The following CEP128 variants were observed in gnomAD, a reference collection of about 807,000 sequenced individuals.
The protein encoded by CEP128 is centrosomal protein 128kDa.
CEP128 carries 132 observed loss-of-function variants against 156.7 expected under a neutral mutation model. The observed-to-expected ratio is 0.84, with a 90% confidence interval of 0.73 to 0.97. CEP128 has a LOEUF of 0.97. Ranked by LOEUF, CEP128 falls within the 50% of genes least tolerant of loss-of-function variation. The pLI, the probability that CEP128 is intolerant of heterozygous loss-of-function variation, is 0.00. For synonymous variants in CEP128, 469 were observed against 448.9 expected (o/e 1.04, Z -0.57); for missense variants, 1,252 against 1,281.9 (o/e 0.98, Z 0.36).
chr14:80,870,721 A>G (rs546766239), intron 8 of CEP128, among the ~76,000 whole-genome samples: 1 of 152,142 alleles, frequency 6.6e-6, no homozygotes, highest in East Asian at 1.9e-4. Flanking sequence ...CTTCCATTCA[A>G]CGTAGTACTG....
At chr14:80,657,785 A>G (rs1566838902) in intron 19 of CEP128, among the ~76,000 whole-genome samples, 1 of 152,174 alleles carries the variant, frequency 6.6e-6, no homozygotes, top group Non-Finnish European at 1.5e-5. Flanking sequence ...GGAAGAGAGG[A>G]GAAAATTTTT....
chr14:80,506,335 C>CTTT (rs398057291), intron 23 of CEP128, among the ~76,000 whole-genome samples: 17 of 126,860 alleles, frequency 1.3e-4, no homozygotes, highest in African/African-American at 4.1e-4. Flanking sequence ...ATTTGAAACT[C>CTTT]TTTTTTTTTT....
At chr14:80,584,024 T>G (rs2140457649) in intron 19 of CEP128, among the ~76,000 whole-genome samples, 1 of 152,296 alleles carries the variant, frequency 6.6e-6, no homozygotes, top group South Asian at 2.1e-4. Flanking sequence ...ATGCTCTCAT[T>G]TGTACCTCTC....
chr14:80,954,948 C>T (rs1273588020), intron 2 of CEP128: 3 of 153,354 alleles, frequency 2.0e-5, no homozygotes, highest in Non-Finnish European at 1.5e-5. Context: ...TCCTGAATTG[C>T]CTCGCGGAGC....
chr14:80,754,284 G>C (rs1449022747), intron 18 of CEP128, among the ~76,000 whole-genome samples: 1 of 151,918 alleles, frequency 6.6e-6, no homozygotes, highest in African/African-American at 2.4e-5. Flanking sequence ...GCCTTTCCTA[G>C]AACTTTGTTC....
chr14:80,901,627 T>C (rs576509613), intron 6 of CEP128, among the ~76,000 whole-genome samples: 16 of 152,354 alleles, frequency 1.1e-4, no homozygotes, highest in African/African-American at 3.8e-4. Context: ...TTTGCCATCA[T>C]GATTTTCCAA....
At chr14:80,659,247 T>C (rs997502417) in intron 19 of CEP128, among the ~76,000 whole-genome samples, 1 of 152,138 alleles carries the variant, frequency 6.6e-6, no homozygotes, top group Non-Finnish European at 1.5e-5. Context: ...GATTTGGTAA[T>C]AATTTTTTCC....
downstream of CEP128, among the ~76,000 whole-genome samples, chr14:80,487,946 C>G (rs566803089): frequency 6.6e-6 from 1 of 151,460 alleles, no homozygotes; most frequent in South Asian, 2.1e-4. Context: ...AATTGACACC[C>G]TAATGTCACA....
rs537511835 is a variant in CEP128 at position 80,851,987 on chromosome 14, A to C, written c.762+10770T>G. Reference sequence around the variant, plus strand: ...ACACAAATCACACGGAGAAACTGATAATCTCTATAATAATGAGAAGCTTTA... The same window carrying C: ...ACACAAATCACACGGAGAAACTGATCATCTCTATAATAATGAGAAGCTTTA... On this transcript the variant is annotated intron_variant, in intron 9 of 24. Transcript: ENST00000555265. 4.6e-5 allele frequency among the ~76,000 whole-genome samples: 7 copies of C among 152,188 alleles called. No individual in the cohort carries two copies. In the South Asian group the frequency reaches 1.0e-3, roughly 22 times the overall value.
chr14:80,541,892 C>A (rs1286061716), intron 21 of CEP128, among the ~76,000 whole-genome samples: 1 of 152,168 alleles, frequency 6.6e-6, no homozygotes, highest in African/African-American at 2.4e-5. Context: ...TGAGTTTAAA[C>A]CCTGGGTTAG....
At chr14:80,708,428 G>C (rs1310831213) in intron 19 of CEP128, among the ~76,000 whole-genome samples, 2 of 152,000 alleles carry the variant, frequency 1.3e-5, no homozygotes, top group African/African-American at 2.4e-5. Flanking sequence ...AGGGATATGG[G>C]AATATCACCT....
At chr14:80,561,913 T>TATATATATATATATATATATATA (rs1566781226) in intron 20 of CEP128, among the ~76,000 whole-genome samples, 15 of 148,390 alleles carry the variant, frequency 1.0e-4, no homozygotes, top group African/African-American at 1.3e-4. Flanking sequence ...TATATATATA[T>TATATATATATATATATATATATA]TTGTTTTGTT....
intron 18 of CEP128, among the ~76,000 whole-genome samples, chr14:80,743,545 T>C (rs1018005734): frequency 4.6e-5 from 7 of 152,174 alleles, no homozygotes; most frequent in Non-Finnish European, 4.4e-5. Context: ...AATAATATTA[T>C]GGGTAATCCT....
At chr14:80,744,989 G>A (rs968208220) in intron 18 of CEP128, among the ~76,000 whole-genome samples, 3 of 152,074 alleles carry the variant, frequency 2.0e-5, no homozygotes, top group African/African-American at 7.2e-5. Flanking sequence ...ACTAGCAAAC[G>A]GAATCCAGCA....
At chr14:80,686,104 G>A (rs1297192244) in intron 19 of CEP128, among the ~76,000 whole-genome samples, 1 of 151,888 alleles carries the variant, frequency 6.6e-6, no homozygotes, top group African/African-American at 2.4e-5. Flanking sequence ...AAAATTGATT[G>A]GGGACTAAAT....
intron 19 of CEP128, among the ~76,000 whole-genome samples, chr14:80,639,322 C>T (rs1022919003): frequency 1.3e-5 from 2 of 152,038 alleles, no homozygotes; most frequent in African/African-American, 4.8e-5. Context: ...GGCTAACAAA[C>T]ATATGGGATA....
intron 21 of CEP128, among the ~76,000 whole-genome samples, chr14:80,552,794 A>G (rs1171338157): frequency 1.3e-5 from 2 of 152,150 alleles, no homozygotes; most frequent in Admixed American, 6.5e-5. Context: ...TAAGATTTGG[A>G]CACAAATTGG....
chr14:80,581,280 A>C (rs1891579866), intron 19 of CEP128, among the ~76,000 whole-genome samples: 1 of 152,210 alleles, frequency 6.6e-6, no homozygotes, highest in Non-Finnish European at 1.5e-5. Context: ...TATTAATATG[A>C]GTATTTGCCT....
At chr14:80,728,921 A>G (rs1237503888) in intron 19 of CEP128, among the ~76,000 whole-genome samples, 1 of 152,166 alleles carries the variant, frequency 6.6e-6, no homozygotes, top group Non-Finnish European at 1.5e-5. Flanking sequence ...CATGCTGCCA[A>G]CGCGGAGTCA....
Sources: gnomAD v4.1 joint callset for allele counts (sites outside exome capture counted in the v4.1 genomes callset) on GRCh38, gnomAD v4.1.1 for gene constraint, MANE v1.5 for transcripts, NCBI Gene and HGNC (gene_info 2026-07-23, HGNC 2026-07-21) for gene names.